Variants in YTHDF3 observed in about 807,000 individuals in gnomAD.
The protein encoded by YTHDF3 is YTH domain-containing family protein 3.
YTHDF3 carries 9 observed loss-of-function variants against 52.5 expected under a neutral mutation model. That is an observed-to-expected ratio of 0.17 (90% confidence interval 0.10 to 0.30). The LOEUF (loss-of-function observed/expected upper bound fraction) is 0.30. Ranked by LOEUF, YTHDF3 falls within the 10% of genes least tolerant of loss-of-function variation. The pLI, the probability that YTHDF3 is intolerant of heterozygous loss-of-function variation, is 1.00. For synonymous variants in YTHDF3, 274 were observed against 243.3 expected (o/e 1.13, Z -1.18); for missense variants, 534 against 715.0 (o/e 0.75, Z 2.89).
chr8:63,180,653 GAT>G (rs1352951570), intron 3 of YTHDF3, among the ~76,000 whole-genome samples: 1 of 152,250 alleles, frequency 6.6e-6, no homozygotes, highest in Non-Finnish European at 1.5e-5. Flanking sequence ...AGCGAGCCGA[GAT>G]CACGCCACTG....
At chr8:63,199,774 A>AT (rs547279541) in intron 4 of YTHDF3, among the ~76,000 whole-genome samples, 4,257 of 149,992 alleles carry the variant, frequency 0.028, 114 homozygotes, top group African/African-American at 0.068. Context: ...TGGCTTAAAC[A>AT]TTTTTTTTTT....
At chr8:63,180,669 T>C (rs1808065259) in intron 3 of YTHDF3, among the ~76,000 whole-genome samples, 2 of 152,310 alleles carry the variant, frequency 1.3e-5, no homozygotes, top group South Asian at 4.1e-4. Context: ...GCCACTGCAC[T>C]CCAGCCTGGG....
intron 4 of YTHDF3, among the ~76,000 whole-genome samples, chr8:63,199,296 G>C (rs1176968724): frequency 1.3e-5 from 2 of 152,016 alleles, no homozygotes; most frequent in African/African-American, 4.8e-5. Flanking sequence ...TATATACAGG[G>C]GATTATTCCA....
chr8:63,186,962 A>C lies in YTHDF3; in HGVS notation c.951A>C (p.Gln317His). Residue 317 changes from glutamine (Q) to histidine (H), a missense_variant, in exon 4 of 5, where the codon CAA (glutamine) becomes CAC (histidine). Gln to His is a conservative substitution (Grantham distance 24, BLOSUM62 0). Transcript: ENST00000539294. ...AACCACCACCATTGGTGCAAAGCCA[A>C]CTGCCTCAACAGCAGCCTCAACCAC... ...LIQPPPLVQS[Q>H]LPQQQPQPPQ... 1.2e-6 allele frequency: 2 copies of C among 1,613,836 alleles called. No individual in the cohort carries two copies. The highest frequency in any genetic ancestry group is 1.7e-6 in the Non-Finnish European group (2 of 1,179,798).
intron 3 of YTHDF3, among the ~76,000 whole-genome samples, chr8:63,179,618 C>T (rs1323009609): frequency 2.6e-5 from 4 of 152,162 alleles, no homozygotes; most frequent in African/African-American, 9.7e-5. Flanking sequence ...ATGTCTACCT[C>T]TTTCTACACA....
chr8:63,173,182 T>A (rs1376151245), intron 2 of YTHDF3, among the ~76,000 whole-genome samples: 1 of 107,918 alleles, frequency 9.3e-6, no homozygotes, highest in Non-Finnish European at 1.7e-5. Context: ...ACAAAAAAAA[T>A]AAGAATAACA....
At chr8:63,208,037 T>G (rs1451484649) in intron 4 of YTHDF3, among the ~76,000 whole-genome samples, 1 of 152,232 alleles carries the variant, frequency 6.6e-6, no homozygotes, top group Non-Finnish European at 1.5e-5. Flanking sequence ...TCTTTTCTTC[T>G]TTTGCTGATA....
chr8:63,169,922 C>G (rs1178466363), intron 2 of YTHDF3, among the ~76,000 whole-genome samples: 1 of 152,174 alleles, frequency 6.6e-6, no homozygotes, highest in Non-Finnish European at 1.5e-5. Flanking sequence ...GGCATGCCAT[C>G]TTGCTCTATT....
At position 63,190,957 on chromosome 8, in the gene YTHDF3, C is replaced by T. The variant is rs565543055; in HGVS notation, c.1734+3212C>T. Among the ~76,000 whole-genome samples the T allele has an allele frequency of 5.9e-5, 9 of 152,284 alleles. No individual in the cohort carries two copies. In the East Asian group the frequency reaches 1.7e-3, roughly 29 times the overall value. On this transcript the variant is annotated intron_variant, in intron 4 of 4. Coordinates refer to ENST00000539294, the MANE Select transcript of YTHDF3 (RefSeq NM_152758.6). ...CCTTGTTTAACTTATTATTTATTAG[C>T]AAGCCTTTAGATCCATAAAATGTCT...
At position 63,179,713 on chromosome 8, in the gene YTHDF3, C is replaced by T. The variant is rs1454768637; in HGVS notation, c.135+4297C>T. Among the ~76,000 whole-genome samples the T allele has an allele frequency of 1.4e-4, 22 of 152,356 alleles. 1 individual carries two copies. The highest frequency in any genetic ancestry group is 5.2e-4 in the Admixed American group (8 of 15,312). On this transcript the variant is annotated intron_variant, in intron 3 of 4. Transcript: ENST00000539294. ...CAAAACCGCCATCGCCATCATGGCC[C>T]GTTCTCAATGAGCCGCTGGGTACAC...
rs112963006 is a variant in YTHDF3, at chr8:63,175,547, T to A, written c.135+131T>A. The A allele has an allele frequency of 1.2e-5, 8 of 674,992 alleles. No homozygotes were observed. The African/African-American group carries it at 1.3e-4, about 11-fold the overall frequency. The allele number at this position is 674,992 out of a possible 1,614,324, so 41.8% of individuals were successfully genotyped here. On this transcript the variant is annotated intron_variant, in intron 3 of 4. Coordinates refer to ENST00000539294, the MANE Select transcript of YTHDF3 (RefSeq NM_152758.6). ...TCATCTAGTGTACCTATATAGTAAGTGAGTAGTGAGTAGCAGTTGCAGATT... is the reference window on the plus strand; with the variant it reads ...TCATCTAGTGTACCTATATAGTAAGAGAGTAGTGAGTAGCAGTTGCAGATT...
intron 4 of YTHDF3, among the ~76,000 whole-genome samples, chr8:63,192,681 G>A (rs1238646529): frequency 1.3e-5 from 2 of 152,170 alleles, no homozygotes; most frequent in Non-Finnish European, 2.9e-5. Context: ...GGACTTCCCA[G>A]TATAACTGCT....
chr8:63,205,850 T>C (rs142091511), intron 4 of YTHDF3, among the ~76,000 whole-genome samples: 189 of 152,316 alleles, frequency 1.2e-3, no homozygotes, highest in African/African-American at 4.2e-3. Context: ...CTTGCTGATA[T>C]AAATGTGGGG....
At position 63,209,799 on chromosome 8, in the gene YTHDF3, C is replaced by T. The variant is rs1169390151; in HGVS notation, c.*93C>T. 6.9e-5 allele frequency: 89 copies of T among 1,293,360 alleles called. 2 individuals carry two copies. The South Asian group carries it at 1.1e-3, about 17-fold the overall frequency. The allele number at this position is 1,293,360 out of a possible 1,614,324, so 80.1% of individuals were successfully genotyped here. On this transcript the variant is annotated 3_prime_UTR_variant, in exon 5 of 5. Transcript: ENST00000539294. ...AAAGAAGACGTATTAAAGCTCTTTTCTGCTTAAGGTGACATCTTTGAACAC... is the reference window on the plus strand; with the variant it reads ...AAAGAAGACGTATTAAAGCTCTTTTTTGCTTAAGGTGACATCTTTGAACAC...
intron 4 of YTHDF3, among the ~76,000 whole-genome samples, chr8:63,203,079 T>C (rs1364043524): frequency 6.6e-6 from 1 of 151,882 alleles, no homozygotes; most frequent in African/African-American, 2.4e-5. Flanking sequence ...CCATCTCTGC[T>C]AAAAATACAA....
chr8:63,175,247 G>T (rs1483573642), intron 2 of YTHDF3, 84 bp from the exon 3 acceptor site: 3 of 991,768 alleles, frequency 3.0e-6, no homozygotes, highest in Non-Finnish European at 4.4e-6. Context: ...ACTTTTTTTG[G>T]CTTGAAAAAT....
intron 4 of YTHDF3, among the ~76,000 whole-genome samples, chr8:63,195,133 C>G (rs1446251927): frequency 6.6e-6 from 1 of 152,126 alleles, no homozygotes; most frequent in Non-Finnish European, 1.5e-5. Flanking sequence ...GAATGTCAGG[C>G]CCTCTATTTT....
intron 4 of YTHDF3, among the ~76,000 whole-genome samples, chr8:63,193,513 C>T (rs1809050624): frequency 6.6e-6 from 1 of 151,958 alleles, no homozygotes; most frequent in Admixed American, 6.6e-5. Context: ...CACAGCTACC[C>T]AGGAGGCTGA....
rs188006277 is a variant in YTHDF3, at chr8:63,176,624, G to A, written c.135+1208G>A. Among the ~76,000 whole-genome samples, 297 of 151,626 alleles carry A rather than the reference G, an allele frequency of 2.0e-3. 1 individual carries two copies. Among genetic ancestry groups the A allele is most frequent in the African/African-American group, 6.8e-3 (283 of 41,348 alleles). ...AATAATTTTATGATTAATTTGATTA[G>A]AAACTCAGTTCTTTGGAATAATTTT... On this transcript the variant is annotated intron_variant, in intron 3 of 4. Coordinates refer to ENST00000539294, the MANE Select transcript of YTHDF3 (RefSeq NM_152758.6).
Sources: allele counts gnomAD v4.1 joint callset (sites outside exome capture counted in the v4.1 genomes callset), GRCh38; gene constraint gnomAD v4.1.1; transcripts MANE v1.5; gene names NCBI Gene and HGNC (gene_info 2026-07-23, HGNC 2026-07-21).